Variants in KLF12 observed in about 807,000 individuals in gnomAD.
The protein encoded by KLF12 is Krueppel-like factor 12.
KLF12 carries 9 observed loss-of-function variants against 37.8 expected under a neutral mutation model. The ratio of observed to expected loss-of-function variants is 0.24; its 90% confidence interval spans 0.14 to 0.42. The LOEUF (loss-of-function observed/expected upper bound fraction) is 0.42. Among genes scored for constraint, KLF12 ranks in the 10% least tolerant of loss-of-function variants. KLF12 has a pLI of 1.00. For synonymous variants in KLF12, 208 were observed against 202.1 expected (o/e 1.03, Z -0.25); for missense variants, 411 against 516.0 (o/e 0.80, Z 1.97).
At chr13:73,904,242 C>A (rs1888166376) in intron 3 of KLF12, among the ~76,000 whole-genome samples, 1 of 152,140 alleles carries the variant, frequency 6.6e-6, no homozygotes, top group East Asian at 1.9e-4. Context: ...CTAATAAAAT[C>A]CACTACCCGA....
intron 1 of KLF12, among the ~76,000 whole-genome samples, chr13:74,009,785 G>A (rs930621727): frequency 1.3e-5 from 2 of 152,258 alleles, no homozygotes; most frequent in Middle Eastern, 3.4e-3. Flanking sequence ...GCAAACACAG[G>A]AGAGTCTCGT....
the KLF12 span, among the ~76,000 whole-genome samples, chr13:74,279,557 TA>T: frequency 6.6e-6 from 1 of 150,532 alleles, no homozygotes; most frequent in Non-Finnish European, 1.5e-5. Flanking sequence ...CTTTGAGGAA[TA>T]TATTAAGGGC....
Position 73,943,989 on chromosome 13 carries a change from C to T in KLF12, c.115G>A (p.Glu39Lys). The change falls in exon 3 of 8, where the codon GAA becomes AAA. Residue 39 changes from glutamate (E) to lysine (K), a missense_variant. Physicochemically the swap from Glu to Lys is moderately conservative, Grantham distance 56. Around this residue, in one of 2 missense-constraint regions of KLF12, gnomAD observed 351 missense variants for 397.8 expected, o/e 0.88. Coordinates refer to ENST00000377669, the MANE Select transcript of KLF12 (RefSeq NM_007249.5). ...TGGAAACTTGTGCTTACCCCTTGTT[C>T]AGATTCCAAAAGCTCTGTTTTGACT... is the stretch of plus-strand genomic sequence containing the variant. 6.2e-7 allele frequency: 1 copy of T among 1,609,404 alleles called. No homozygotes were observed.
intron 1 of KLF12, among the ~76,000 whole-genome samples, chr13:74,086,976 G>A (rs1310094169): frequency 6.6e-6 from 1 of 152,164 alleles, no homozygotes. Flanking sequence ...GGGTGAGGAA[G>A]AGGAGGAGTT....
At chr13:73,758,120 G>T (rs984277061) in intron 6 of KLF12, among the ~76,000 whole-genome samples, 1 of 151,794 alleles carries the variant, frequency 6.6e-6, no homozygotes, top group Non-Finnish European at 1.5e-5. Flanking sequence ...GGCTGGTCTT[G>T]AACTCCTGGG....
At chr13:73,841,524 A>G (rs575250724) in intron 4 of KLF12, among the ~76,000 whole-genome samples, 38 of 152,162 alleles carry the variant, frequency 2.5e-4, no homozygotes, top group Non-Finnish European at 5.0e-4. Flanking sequence ...AAGCTTGCTC[A>G]ATGCTTTCCT....
chr13:73,995,249 G>A (rs892473693), intron 1 of KLF12, among the ~76,000 whole-genome samples, 196 bp from the exon 2 acceptor site: 1 of 152,060 alleles, frequency 6.6e-6, no homozygotes, highest in African/African-American at 2.4e-5. Flanking sequence ...TGCAGTAGAG[G>A]GAAAAACACC....
At chr13:73,878,957 T>G (rs757309662) in intron 3 of KLF12, among the ~76,000 whole-genome samples, 3 of 152,172 alleles carry the variant, frequency 2.0e-5, no homozygotes, top group Non-Finnish European at 4.4e-5. Flanking sequence ...ATTTTGAATT[T>G]TATCTTGAGA....
the KLF12 span, among the ~76,000 whole-genome samples, chr13:74,172,642 T>C: frequency 2.6e-5 from 4 of 152,176 alleles, no homozygotes; most frequent in African/African-American, 9.6e-5. Context: ...TTTTGATGAG[T>C]AGTGAAACCT....
chr13:73,836,348 T>C (rs1261372691), intron 4 of KLF12, among the ~76,000 whole-genome samples: 3 of 151,470 alleles, frequency 2.0e-5, no homozygotes, highest in Non-Finnish European at 4.4e-5. Flanking sequence ...ATTAAGGGAG[T>C]AAGAAAAAAA....
chr13:74,122,331 A>C (rs758830088), intron 1 of KLF12, among the ~76,000 whole-genome samples: 1 of 152,140 alleles, frequency 6.6e-6, no homozygotes, highest in Non-Finnish European at 1.5e-5. Context: ...AGATGTTCAA[A>C]GTCACTAACA....
rs1346985088 is a variant in KLF12 at position 73,695,511 on chromosome 13, G to A, written c.1188C>T (p.Arg396=). 9.3e-6 allele frequency: 15 copies of A among 1,613,840 alleles called. No homozygotes were observed. Among genetic ancestry groups the A allele is most frequent in the Middle Eastern group, 1.7e-4 (1 of 6,000 alleles). ...TTCCTCACACCAACATATGCCTCCGGCGGTGCAGGGCCAAATGATCTGACC... is the reference window on the plus strand; with the variant it reads ...TTCCTCACACCAACATATGCCTCCGACGGTGCAGGGCCAAATGATCTGACC... The change falls in exon 8 of 8, where the codon CGC becomes CGT. Residue 396 remains arginine (R), a synonymous_variant. Transcript: ENST00000377669.
At chr13:74,008,793 A>G (rs939810081) in intron 1 of KLF12, among the ~76,000 whole-genome samples, 1 of 152,228 alleles carries the variant, frequency 6.6e-6, no homozygotes, top group African/African-American at 2.4e-5. Flanking sequence ...TAATATTGTT[A>G]ACAGAATTTG....
chr13:74,243,513 C>G, the KLF12 span, among the ~76,000 whole-genome samples: 1 of 152,104 alleles, frequency 6.6e-6, no homozygotes, highest in Non-Finnish European at 1.5e-5. Flanking sequence ...GGTTCTAGAT[C>G]CTTGAGGAAT....
At chr13:74,039,801 C>T (rs149159264) in intron 1 of KLF12, among the ~76,000 whole-genome samples, 2 of 152,230 alleles carry the variant, frequency 1.3e-5, no homozygotes, top group African/African-American at 4.8e-5. Flanking sequence ...TTCAAGATGA[C>T]AGACACAAAA....
chr13:73,861,039 T>C (rs565527026), intron 3 of KLF12, among the ~76,000 whole-genome samples: 1 of 152,262 alleles, frequency 6.6e-6, no homozygotes, highest in African/African-American at 2.4e-5. Context: ...AACTAGAAAA[T>C]TTATAATTAG....
intron 6 of KLF12, among the ~76,000 whole-genome samples, chr13:73,746,443 G>C (rs892454416): frequency 1.3e-5 from 2 of 152,054 alleles, no homozygotes; most frequent in Non-Finnish European, 2.9e-5. Flanking sequence ...ACCATAGCTT[G>C]AATTCTCTTC....
the KLF12 span, among the ~76,000 whole-genome samples, chr13:74,193,836 A>G: frequency 6.6e-6 from 1 of 152,184 alleles, no homozygotes; most frequent in Admixed American, 6.5e-5. Context: ...TGTTAGGAAG[A>G]AAGTTCTGAT....
At chr13:73,719,153 G>C (rs1241039014) in intron 6 of KLF12, among the ~76,000 whole-genome samples, 2 of 152,144 alleles carry the variant, frequency 1.3e-5, no homozygotes, top group Non-Finnish European at 1.5e-5. Flanking sequence ...TTGTGGAAAG[G>C]TAGGAAGGTA....
Sources: allele counts gnomAD v4.1 joint callset (sites outside exome capture counted in the v4.1 genomes callset), GRCh38; gene constraint gnomAD v4.1.1; regional missense constraint gnomAD v4.1.1; transcripts MANE v1.5; gene names NCBI Gene and HGNC (gene_info 2026-07-23, HGNC 2026-07-21).